FIGN: variants seen among roughly 807,000 people sequenced by gnomAD.
FIGN encodes the protein fidgetin.
A neutral mutation model predicts 51.3 loss-of-function variants in FIGN; 11 were observed. The observed-to-expected ratio is 0.21, with a 90% CI of 0.13 to 0.35. The LOEUF (loss-of-function observed/expected upper bound fraction) is 0.35. FIGN is among the 10% of genes least tolerant of loss of function. The pLI is 1.00. For missense variants in FIGN, 857 were observed against 943.6 expected (o/e 0.91, Z 1.20); for synonymous variants, 407 against 363.2 (o/e 1.12, Z -1.37).
At chr2:163,611,866 C>A in intron 2 of FIGN, 60 bp from the exon 3 acceptor site, 1 of 1,430,200 alleles carries the variant, frequency 7.0e-7, no homozygotes, top group East Asian at 2.4e-5. Flanking sequence ...ACTCTTAAAG[C>A]TTTTCCCCCA....
chr2:163,686,331 G>C (rs1035968742), intron 2 of FIGN, among the ~76,000 whole-genome samples: 16 of 152,136 alleles, frequency 1.1e-4, no homozygotes, highest in African/African-American at 3.6e-4. Context: ...ACTTCTAGTA[G>C]AGCTATAATT....
intron 2 of FIGN, among the ~76,000 whole-genome samples, chr2:163,642,845 A>G (rs1683324269): frequency 6.6e-6 from 1 of 152,220 alleles, no homozygotes; most frequent in African/African-American, 2.4e-5. Context: ...AGTAAAAAAC[A>G]TATACTCTGA....
intron 2 of FIGN, among the ~76,000 whole-genome samples, chr2:163,640,785 A>C (rs1423561252): frequency 6.6e-6 from 1 of 152,246 alleles, no homozygotes; most frequent in Non-Finnish European, 1.5e-5. Flanking sequence ...TACTAAAGAC[A>C]AAAGGCCAAA....
In FIGN at chr2:163,629,110, A is replaced by C. The variant is rs544119826; in HGVS notation, c.26-17304T>G. Among the ~76,000 whole-genome samples, 3 of 152,302 alleles carry C rather than the reference A, an allele frequency of 2.0e-5. No homozygotes were observed. The East Asian group carries it at 5.8e-4, about 29-fold the overall frequency. On this transcript the variant is annotated intron_variant, in intron 2 of 2. Transcript: ENST00000333129. Reference sequence around the variant, plus strand: ...CACTGAAACTATGGTAATGGAAGACAGAGTAGAGAGAAAGTGTGTAGAATG... The same window carrying C: ...CACTGAAACTATGGTAATGGAAGACCGAGTAGAGAGAAAGTGTGTAGAATG...
chr2:163,632,274 C>G (rs1487500959), intron 2 of FIGN, among the ~76,000 whole-genome samples: 3 of 152,146 alleles, frequency 2.0e-5, no homozygotes. Flanking sequence ...GAGGATTACA[C>G]CTGGAAAGCG....
chr2:163,667,858 T>A (rs527277141), intron 2 of FIGN, among the ~76,000 whole-genome samples: 1 of 152,204 alleles, frequency 6.6e-6, no homozygotes, highest in Non-Finnish European at 1.5e-5. Flanking sequence ...AGGAACTGCA[T>A]CTTCATCATC....
chr2:163,659,055 G>A (rs1683609675), intron 2 of FIGN, among the ~76,000 whole-genome samples: 1 of 151,944 alleles, frequency 6.6e-6, no homozygotes, highest in Non-Finnish European at 1.5e-5. Flanking sequence ...TCTAACCTTC[G>A]AAGTTCATAA....
At chr2:163,648,547 A>G (rs1175354706) in intron 2 of FIGN, among the ~76,000 whole-genome samples, 5 of 152,206 alleles carry the variant, frequency 3.3e-5, no homozygotes, top group Non-Finnish European at 7.3e-5. Context: ...ACCCCTTGTT[A>G]TTGTATGTAA....
At chr2:163,672,357 T>A (rs999237786) in intron 2 of FIGN, among the ~76,000 whole-genome samples, 4 of 152,142 alleles carry the variant, frequency 2.6e-5, no homozygotes, top group Admixed American at 2.0e-4. Flanking sequence ...CTCTATGATA[T>A]AAGCTTCAGA....
intron 2 of FIGN, among the ~76,000 whole-genome samples, chr2:163,730,341 G>T (rs1684906350): frequency 6.6e-6 from 1 of 152,078 alleles, no homozygotes. Context: ...AAATGAAAAA[G>T]TTAATGCTAA....
At chr2:163,630,675 A>G (rs1431629994) in intron 2 of FIGN, among the ~76,000 whole-genome samples, 6 of 143,158 alleles carry the variant, frequency 4.2e-5, no homozygotes, top group Admixed American at 1.4e-4. Flanking sequence ...TACAAAAAAA[A>G]GGGGGGGGGG....
chr2:163,627,128 C>T (rs1375282656), intron 2 of FIGN, among the ~76,000 whole-genome samples: 1 of 152,058 alleles, frequency 6.6e-6, no homozygotes, highest in African/African-American at 2.4e-5. Flanking sequence ...TTTGGAGTAG[C>T]CATTCTTTTA....
rs905249024 is a variant in FIGN, at chr2:163,668,954, G to T, written c.26-57148C>A. 5.5e-5 allele frequency among the ~76,000 whole-genome samples: 8 copies of T among 145,594 alleles called. No homozygotes were observed. The East Asian group carries it at 1.6e-3, about 29-fold the overall frequency. ...AGACTCCATCTCAAAAGAAAAAAAAGAAAAAAGACATTTAGTATAGATTTC... is the reference window on the plus strand; with the variant it reads ...AGACTCCATCTCAAAAGAAAAAAAATAAAAAAGACATTTAGTATAGATTTC... On this transcript the variant is annotated intron_variant, in intron 2 of 2. Transcript: ENST00000333129.
At chr2:163,682,952 G>A in intron 2 of FIGN, among the ~76,000 whole-genome samples, 1 of 152,160 alleles carries the variant, frequency 6.6e-6, no homozygotes, top group African/African-American at 2.4e-5. Context: ...GCCACCAGGG[G>A]TTGTCAAAGT....
intron 2 of FIGN, among the ~76,000 whole-genome samples, chr2:163,723,348 G>A (rs1245702723): frequency 1.3e-5 from 2 of 152,086 alleles, no homozygotes; most frequent in Non-Finnish European, 2.9e-5. Flanking sequence ...AAATAAAAAT[G>A]AATTAGATGT....
rs1478505397 is a variant in FIGN at position 163,663,680 on chromosome 2, C to T, written c.26-51874G>A. Among the ~76,000 whole-genome samples the T allele has an allele frequency of 1.5e-4, 22 of 151,540 alleles. 1 individual carries two copies. Among genetic ancestry groups the T allele is most frequent in the Admixed American group, 1.4e-3 (21 of 15,242 alleles). On this transcript the variant is annotated intron_variant, in intron 2 of 2. Coordinates refer to ENST00000333129, the MANE Select transcript of FIGN (RefSeq NM_018086.4). ...GGCAGATCACCTGAGGTCAGGAATT[C>T]GAGACCAGCCTGACCAACATGGAGA...
At chr2:163,653,516 G>A (rs1461637731) in intron 2 of FIGN, among the ~76,000 whole-genome samples, 3 of 152,054 alleles carry the variant, frequency 2.0e-5, no homozygotes, top group African/African-American at 7.2e-5. Flanking sequence ...CTGTTAAGGG[G>A]AAAGTTATGT....
chr2:163,716,356 C>A (rs1684668225), intron 2 of FIGN, among the ~76,000 whole-genome samples: 1 of 152,064 alleles, frequency 6.6e-6, no homozygotes, highest in Admixed American at 6.6e-5. Flanking sequence ...TTGGCACTAC[C>A]TTTAAAAACT....
chr2:163,702,805 T>C (rs1271488458), intron 2 of FIGN, among the ~76,000 whole-genome samples: 2 of 152,126 alleles, frequency 1.3e-5, no homozygotes, highest in East Asian at 3.9e-4. Flanking sequence ...CGAATAGTAC[T>C]GTTTCATTGC....
Sources: allele counts gnomAD v4.1 joint callset (sites outside exome capture counted in the v4.1 genomes callset), GRCh38; gene constraint gnomAD v4.1.1; transcripts MANE v1.5; gene names NCBI Gene and HGNC (gene_info 2026-07-23, HGNC 2026-07-21).